PCDHA8: variants seen among roughly 807,000 people sequenced by gnomAD.
PCDHA8 encodes the protein protocadherin alpha 8, also known as protocadherin alpha-8.
PCDHA8 carries 53 observed loss-of-function variants against 61.8 expected under a neutral mutation model. The observed-to-expected ratio is 0.86, with a 90% confidence interval of 0.69 to 1.08. The LOEUF is 1.08. PCDHA8 is among the 50% of genes least tolerant of loss of function. The pLI, the probability that PCDHA8 is intolerant of heterozygous loss-of-function variation, is 0.00. For synonymous variants in PCDHA8, 618 were observed against 556.6 expected, an observed-to-expected ratio of 1.11 and a Z score of -1.55; for missense variants, 1,293 against 1,245.0, an observed-to-expected ratio of 1.04 and a Z score of -0.58.
intron 1 of PCDHA8, among the ~76,000 whole-genome samples, chr5:140,846,373 C>CTTTTTTTTT (rs374699051): frequency 1.6e-4 from 9 of 55,150 alleles, no homozygotes; most frequent in Non-Finnish European, 2.9e-4. Context: ...TTCTTTCTTT[C>CTTTTTTTTT]TTTTTTTTTT....
At chr5:140,943,275 AAAG>A (rs1197372058) in intron 1 of PCDHA8, among the ~76,000 whole-genome samples, 86 of 137,844 alleles carry the variant, frequency 6.2e-4, no homozygotes, top group African/African-American at 2.2e-3. Flanking sequence ...AAAAAAAAAA[AAAG>A]AAAGAAAGAA....
At position 140,967,913 on chromosome 5, in the gene PCDHA8, A is replaced by G. The variant is rs548732358; in HGVS notation, c.2395-11036A>G. 3.7e-6 allele frequency: 6 copies of G among 1,614,184 alleles called. No homozygotes were observed. The highest frequency in any genetic ancestry group is 1.3e-5 in the African/African-American group (1 of 75,042). ...GCCTGAGAATGCTACACCCAACACC[A>G]TTGTGGCCGTTCTCAGTGTCAATGA... On this transcript the variant is annotated intron_variant, in intron 1 of 3. Transcript: ENST00000531613.
In PCDHA8 at chr5:140,856,987, C is replaced by T. The variant is rs144244943; in HGVS notation, c.2394+13272C>T. ...ATGCTATTGACTTTGAGGACAGTAA[C>T]ACTTATGAAATTCATGTAGATGTTA... On this transcript the variant is annotated intron_variant, in intron 1 of 3. Coordinates refer to ENST00000531613, the MANE Select transcript of PCDHA8 (RefSeq NM_018911.3). The T allele has an allele frequency of 7.5e-6, 12 of 1,595,122 alleles. No individual in the cohort carries two copies. The African/African-American group carries it at 1.3e-4, about 18-fold the overall frequency.
chr5:140,961,639 G>A (rs2095626284), intron 1 of PCDHA8, among the ~76,000 whole-genome samples: 1 of 152,144 alleles, frequency 6.6e-6, no homozygotes, highest in East Asian at 1.9e-4. Flanking sequence ...ACAATCTTAA[G>A]TCTATGTGGT....
In PCDHA8 at chr5:140,995,657, A is replaced by C. The variant is rs188298109; in HGVS notation, c.2542+13094A>C. Among the ~76,000 whole-genome samples, 56 of 152,328 alleles carry C rather than the reference A, an allele frequency of 3.7e-4. No homozygotes were observed. The East Asian group carries it at 7.7e-3, about 21-fold the overall frequency. Reference sequence around the variant, plus strand: ...AGTGTTTAGAAAAGGAGAATCGAAAAGGGAAGTAAATGCAGCATTTTTTTT... The same window carrying C: ...AGTGTTTAGAAAAGGAGAATCGAAACGGGAAGTAAATGCAGCATTTTTTTT... On this transcript the variant is annotated intron_variant, in intron 3 of 3. Coordinates refer to ENST00000531613, the MANE Select transcript of PCDHA8 (RefSeq NM_018911.3).
intron 1 of PCDHA8, among the ~76,000 whole-genome samples, chr5:140,978,477 G>A (rs1362771671): frequency 6.6e-6 from 1 of 152,342 alleles, no homozygotes; most frequent in African/African-American, 2.4e-5. Context: ...ATATGCTGCA[G>A]TCTGCAAAGC....
chr5:140,889,329 T>C (rs1554183865), intron 1 of PCDHA8, among the ~76,000 whole-genome samples: 2 of 152,090 alleles, frequency 1.3e-5, no homozygotes, highest in Admixed American at 6.5e-5. Context: ...GTATCAGGAT[T>C]TTGATTGGTG....
At chr5:140,871,279 C>G in intron 1 of PCDHA8, 2 of 1,613,946 alleles carry the variant, frequency 1.2e-6, no homozygotes, top group Non-Finnish European at 1.7e-6. Flanking sequence ...GTCGGCAACG[C>G]CCACTGAGGG....
At chr5:140,876,475 A>G (rs1385416022) in intron 1 of PCDHA8, 1 of 1,614,054 alleles carries the variant, frequency 6.2e-7, no homozygotes, top group Non-Finnish European at 8.5e-7. Context: ...AGGTCACAGC[A>G]TGGTCCTGGT....
rs1554138141 is a variant in PCDHA8, at chr5:140,841,383, T to C, written c.62T>C (p.Leu21Pro). The stretch of plus-strand genomic sequence containing the variant: ...CGACTACTACTCTTGCTTCTGCTCC[T>C]CGCAGCCTGGAAGGTGGGGAGCGGC... ...SWRLLLLLLL[L>P]AAWKVGSGQL... Residue 21 changes from leucine (L) to proline (P), a missense_variant, in exon 1 of 4, where the codon CTC becomes CCC. Leu to Pro is a moderately conservative substitution (Grantham distance 98). Coordinates refer to ENST00000531613, the MANE Select transcript of PCDHA8 (RefSeq NM_018911.3). 6.8e-6 allele frequency: 11 copies of C among 1,613,486 alleles called. No homozygotes were observed. Among genetic ancestry groups the C allele is most frequent in the Non-Finnish European group, 8.5e-6 (10 of 1,179,836 alleles).
chr5:140,967,757 T>C, intron 1 of PCDHA8: 1 of 1,614,216 alleles, frequency 6.2e-7, no homozygotes, highest in Non-Finnish European at 8.5e-7. Flanking sequence ...AGCCTCCTCC[T>C]ACCAGATCTA....
intron 1 of PCDHA8, among the ~76,000 whole-genome samples, chr5:140,900,657 C>T (rs116775770): frequency 0.011 from 1,723 of 152,294 alleles, 23 homozygotes; most frequent in African/African-American, 0.039. Context: ...CTGCAATGAA[C>T]AATGGGAGTG....
At chr5:140,990,900 G>C (rs1164287326) in intron 3 of PCDHA8, among the ~76,000 whole-genome samples, 1 of 152,114 alleles carries the variant, frequency 6.6e-6, no homozygotes, top group Non-Finnish European at 1.5e-5. Flanking sequence ...TCGTTGCTGG[G>C]TCAAGTTTTA....
Position 140,875,735 on chromosome 5 carries a change from C to G in PCDHA8, c.2394+32020C>G, listed in dbSNP as rs376701509. ...CAGAATGGCATTTTGTTTGTGAATT[C>G]TCGGATCGACCGCGAGAAGCTGTGC... is the stretch of plus-strand genomic sequence containing the variant. On this transcript the variant is annotated intron_variant, in intron 1 of 3. Coordinates refer to ENST00000531613, the MANE Select transcript of PCDHA8 (RefSeq NM_018911.3). The G allele has an allele frequency of 5.0e-5, 80 of 1,614,232 alleles. No individual in the cohort carries two copies. The South Asian group carries it at 5.4e-4, about 11-fold the overall frequency.
chr5:140,841,768 C>G lies in PCDHA8; in HGVS notation c.447C>G (p.Asp149Glu). 6.2e-7 allele frequency: 1 copy of G among 1,613,936 alleles called. No homozygotes were observed. The highest frequency in any genetic ancestry group is 1.1e-5 in the South Asian group (1 of 91,080). ...KLFVSESRMPDSRFPLEGASD... is the reference protein window; with the variant it reads ...KLFVSESRMPESRFPLEGASD... ...TTGTTTCAGAATCCAGAATGCCAGA[C>G]TCTCGGTTTCCGCTAGAGGGCGCGT... is the stretch of plus-strand genomic sequence containing the variant. The change falls in exon 1 of 4, where the codon GAC becomes GAG. Residue 149 changes from aspartate (D) to glutamate (E), a missense_variant. Coordinates refer to ENST00000531613, the MANE Select transcript of PCDHA8 (RefSeq NM_018911.3).
At chr5:140,879,391 G>A (rs2057973329) in intron 1 of PCDHA8, among the ~76,000 whole-genome samples, 1 of 152,184 alleles carries the variant, frequency 6.6e-6, no homozygotes, top group South Asian at 2.1e-4. Flanking sequence ...TGGAGAAACA[G>A]TTTGTGTGTA....
At chr5:140,901,716 G>A (rs555901106) in intron 1 of PCDHA8, among the ~76,000 whole-genome samples, 1 of 152,176 alleles carries the variant, frequency 6.6e-6, no homozygotes, top group South Asian at 2.1e-4. Flanking sequence ...TTTTCAGATT[G>A]TCTTTTCTAT....
intron 3 of PCDHA8, among the ~76,000 whole-genome samples, chr5:140,987,781 A>G (rs2097267961): frequency 6.6e-6 from 1 of 152,208 alleles, no homozygotes; most frequent in East Asian, 1.9e-4. Context: ...AGAATCTGCT[A>G]TAGAGAAGAT....
intron 1 of PCDHA8, among the ~76,000 whole-genome samples, chr5:140,951,140 C>G (rs1322025119): frequency 9.9e-6 from 1 of 100,842 alleles, no homozygotes; most frequent in Non-Finnish European, 2.0e-5. Context: ...TTTCCTTTAT[C>G]TTATTGAATA....
Sources: allele counts gnomAD v4.1 joint callset (sites outside exome capture counted in the v4.1 genomes callset), GRCh38; gene constraint gnomAD v4.1.1; transcripts MANE v1.5; gene names NCBI Gene and HGNC (gene_info 2026-07-23, HGNC 2026-07-21).